Variants in ADAM12 observed in about 807,000 individuals in gnomAD.
ADAM12 encodes the protein ADAM metallopeptidase domain 12, also known as disintegrin and metalloproteinase domain-containing protein 12.
Under a neutral mutation model 106.4 loss-of-function variants are expected in ADAM12, and 70 were observed. The ratio of observed to expected loss-of-function variants is 0.66; its 90% CI spans 0.54 to 0.80. The LOEUF is 0.80. ADAM12 is among the 30% of genes least tolerant of loss of function. The pLI is 0.00. For missense variants in ADAM12, 1,010 were observed against 1,171.9 expected, an observed-to-expected ratio of 0.86 and a Z score of 2.02; for synonymous variants, 420 against 433.5, an observed-to-expected ratio of 0.97 and a Z score of 0.39.
chr10:126,128,974 A>T (rs1360625214), intron 5 of ADAM12, among the ~76,000 whole-genome samples: 2 of 146,368 alleles, frequency 1.4e-5, no homozygotes, highest in Non-Finnish European at 2.9e-5. Context: ...TGCGCATGTG[A>T]GTGTGAGGAC....
At chr10:126,303,439 T>C (rs1960710178) in intron 2 of ADAM12, among the ~76,000 whole-genome samples, 1 of 152,206 alleles carries the variant, frequency 6.6e-6, no homozygotes, top group Non-Finnish European at 1.5e-5. Flanking sequence ...AAGAGTAATG[T>C]AATAGCCTGT....
chr10:126,100,754 G>C (rs1013154350), intron 9 of ADAM12, among the ~76,000 whole-genome samples: 2 of 151,870 alleles, frequency 1.3e-5, no homozygotes. Flanking sequence ...AAAAAAATAG[G>C]CTACTCAGAA....
At chr10:126,164,656 C>T (rs1414279966) in intron 3 of ADAM12, among the ~76,000 whole-genome samples, 1 of 152,110 alleles carries the variant, frequency 6.6e-6, no homozygotes, top group Non-Finnish European at 1.5e-5. Flanking sequence ...CTGTCCATTC[C>T]ACAATCACAG....
At position 126,036,252 on chromosome 10, in the gene ADAM12, T is replaced by A. The variant is rs1954057945; in HGVS notation, c.2423A>T (p.Gln808Leu). Residue 808 changes from glutamine (Q) to leucine (L), a missense_variant, in exon 21 of 23, where the codon CAG becomes CTG. By Grantham distance (113) the Gln-to-Leu change is moderately radical (BLOSUM62 -2). Transcript: ENST00000448723. ...SRPLNGLNVPQPQSTQRVLPP... is the reference protein window; with the variant it reads ...SRPLNGLNVPLPQSTQRVLPP... ...AAGCACTCGCTGAGTTGACTGGGGC[T>A]GAGGGACATTCAGGCCGTTGAGGGG... 7 of 1,557,058 alleles carry A rather than the reference T, an allele frequency of 4.5e-6. No individual in the cohort carries two copies. The highest frequency in any genetic ancestry group is 5.2e-6 in the Non-Finnish European group (6 of 1,157,966).
intron 3 of ADAM12, among the ~76,000 whole-genome samples, chr10:126,221,615 T>C (rs1180449238): frequency 6.6e-6 from 1 of 152,152 alleles, no homozygotes; most frequent in Non-Finnish European, 1.5e-5. Flanking sequence ...CCATCTGTCT[T>C]CTCTCTCACT....
intron 5 of ADAM12, among the ~76,000 whole-genome samples, chr10:126,121,616 C>G (rs891824700): frequency 6.7e-5 from 10 of 149,484 alleles, no homozygotes; most frequent in Non-Finnish European, 4.4e-5. Flanking sequence ...ATACATCAAT[C>G]CTCGAGGAAT....
intron 1 of ADAM12, among the ~76,000 whole-genome samples, chr10:126,375,670 G>C (rs1184378572): frequency 2.1e-5 from 3 of 143,428 alleles, no homozygotes; most frequent in Non-Finnish European, 4.5e-5. Context: ...TGTAAAGATA[G>C]CAAAAGTTAG....
intron 20 of ADAM12, among the ~76,000 whole-genome samples, chr10:126,036,596 G>A (rs764539569): frequency 3.9e-5 from 6 of 152,122 alleles, no homozygotes; most frequent in Non-Finnish European, 7.4e-5. Flanking sequence ...TAACAAATAG[G>A]TGCAAAGCAC....
intron 3 of ADAM12, among the ~76,000 whole-genome samples, chr10:126,267,645 G>A (rs1200333291): frequency 6.6e-6 from 1 of 152,146 alleles, no homozygotes; most frequent in Non-Finnish European, 1.5e-5. Flanking sequence ...CTGAGTGATG[G>A]GGAGCAGCCG....
At chr10:126,224,098 C>T (rs780585662) in intron 3 of ADAM12, among the ~76,000 whole-genome samples, 1 of 152,098 alleles carries the variant, frequency 6.6e-6, no homozygotes, top group Non-Finnish European at 1.5e-5. Context: ...GGGGAGGGGG[C>T]CTGGGGAGAG....
At chr10:126,115,835 C>A (rs1251277773) in intron 6 of ADAM12, among the ~76,000 whole-genome samples, 1 of 152,090 alleles carries the variant, frequency 6.6e-6, no homozygotes, top group Non-Finnish European at 1.5e-5. Flanking sequence ...AGGTGCTAAC[C>A]AAAACAATCT....
At chr10:126,228,602 G>A (rs1390581771) in intron 3 of ADAM12, among the ~76,000 whole-genome samples, 1 of 152,106 alleles carries the variant, frequency 6.6e-6, no homozygotes, top group Admixed American at 6.5e-5. Flanking sequence ...TTTCTAGTAG[G>A]GTATTTTTAC....
intron 21 of ADAM12, among the ~76,000 whole-genome samples, chr10:126,035,493 AAATT>A (rs1954042917): frequency 6.6e-6 from 1 of 152,198 alleles, no homozygotes; most frequent in South Asian, 2.1e-4. Context: ...GTGTACAAAT[AAATT>A]ATGTTAAAAT....
At chr10:126,285,844 C>A (rs918459715) in intron 2 of ADAM12, among the ~76,000 whole-genome samples, 1 of 152,170 alleles carries the variant, frequency 6.6e-6, no homozygotes, top group East Asian at 1.9e-4. Flanking sequence ...ACCTCTAGGG[C>A]CCCCAGGTGC....
intron 3 of ADAM12, among the ~76,000 whole-genome samples, chr10:126,242,304 A>C (rs1958542864): frequency 6.6e-6 from 1 of 152,166 alleles, no homozygotes; most frequent in Admixed American, 6.5e-5. Context: ...AGGAACTCCT[A>C]ACTTACTATT....
At chr10:126,092,559 G>A (rs1208671166) in intron 11 of ADAM12, among the ~76,000 whole-genome samples, 2 of 152,194 alleles carry the variant, frequency 1.3e-5, no homozygotes, top group South Asian at 2.1e-4. Context: ...AGACACACAT[G>A]TTAGTATCTT....
At chr10:126,020,059 C>T (rs1460418339) in intron 21 of ADAM12, among the ~76,000 whole-genome samples, 3 of 152,226 alleles carry the variant, frequency 2.0e-5, no homozygotes, top group Admixed American at 6.5e-5. Flanking sequence ...TGGACTGCCC[C>T]TGGGCCCTGG....
At chr10:126,365,460 T>C (rs1362619129) in intron 1 of ADAM12, among the ~76,000 whole-genome samples, 2 of 152,170 alleles carry the variant, frequency 1.3e-5, no homozygotes, top group African/African-American at 4.8e-5. Context: ...CAGTCTGTTC[T>C]CAGGCTGCTA....
chr10:126,045,848 G>A (rs190885178), intron 17 of ADAM12, among the ~76,000 whole-genome samples: 20 of 152,294 alleles, frequency 1.3e-4, no homozygotes, highest in African/African-American at 4.3e-4. Context: ...AATTTAAAAG[G>A]TAATTACAGC....
Sources: gnomAD v4.1 joint callset for allele counts (sites outside exome capture counted in the v4.1 genomes callset) on GRCh38, gnomAD v4.1.1 for gene constraint, MANE v1.5 for transcripts, NCBI Gene and HGNC (gene_info 2026-07-23, HGNC 2026-07-21) for gene names.